CDAN1: variants seen among roughly 807,000 people sequenced by gnomAD.
The protein encoded by CDAN1 is codanin 1, also known as codanin-1.
Under a neutral mutation model 139.8 loss-of-function variants are expected in CDAN1, and 107 were observed. That is an observed-to-expected ratio of 0.77 (90% CI 0.65 to 0.90). CDAN1 has a LOEUF of 0.90. Among genes scored for constraint, CDAN1 ranks in the 40% least tolerant of loss-of-function variants. The pLI is 0.00. For synonymous variants in CDAN1, 776 were observed against 660.6 expected (o/e 1.17, Z -2.68); for missense variants, 1,667 against 1,575.7 (o/e 1.06, Z -0.98).
intron 21 of CDAN1, 81 bp downstream of exon 21, chr15:42,728,123 A>T: frequency 6.3e-7 from 1 of 1,581,264 alleles, no homozygotes. Context: ...GCCCCCACAC[A>T]CCCTCCCGCA....
In CDAN1 at chr15:42,731,072, C is replaced by G; in HGVS notation, c.1861-1G>C. The G allele has an allele frequency of 6.2e-7, 1 of 1,614,222 alleles. No homozygotes were observed. On this transcript the variant is annotated splice_acceptor_variant, in intron 12 of 27. Coordinates refer to ENST00000356231, the MANE Select transcript of CDAN1 (RefSeq NM_138477.4). LOFTEE classifies it high-confidence loss of function. ...CCACAGCAAATTGCTTCCGCTCACC[C>G]TGCATGGAATCAAGGGAAGTAAAAG...
intron 17 of CDAN1, 32 bp downstream of exon 17, chr15:42,729,536 C>G (rs1486001627): frequency 6.2e-7 from 1 of 1,614,026 alleles, no homozygotes; most frequent in African/African-American, 1.3e-5. Context: ...GAGGGACAGA[C>G]CAAGGACCGT....
At position 42,729,249 on chromosome 15, in the gene CDAN1, G is replaced by C. The variant is rs748072718; in HGVS notation, c.2521C>G (p.Gln841Glu). Reference sequence around the variant, plus strand: ...CTTACCTGCAGCCCCTGGCTGGTCTGGGAAGGCTGGGCTCCCAGGCTGGTG... The same window carrying C: ...CTTACCTGCAGCCCCTGGCTGGTCTCGGAAGGCTGGGCTCCCAGGCTGGTG... ...TTTSLGAQPS[Q>E]TSQGLQAQLA... is the part of the protein sequence containing the mutation. The change falls in exon 18 of 28, where the codon CAG becomes GAG. Residue 841 changes from glutamine (Q) to glutamate (E), a missense_variant. Gln to Glu is a conservative substitution (Grantham distance 29, BLOSUM62 2). Transcript: ENST00000356231. 1 of 1,613,292 alleles carries C rather than the reference G, an allele frequency of 6.2e-7. No homozygotes were observed. Among genetic ancestry groups the C allele is most frequent in the Non-Finnish European group, 8.5e-7 (1 of 1,179,766 alleles).
rs148040924 is a variant in CDAN1 at position 42,728,945 on chromosome 15, CCTT to C, written c.2645+75_2645+77del. On this transcript the variant is annotated intron_variant, in intron 19 of 27. Transcript: ENST00000356231. ...AGCCCCACACCCACCCTCTGGCTGACCTTCTCAGTTTAGCAACTGAGGAAAAAG... is the reference window on the plus strand; with the variant it reads ...AGCCCCACACCCACCCTCTGGCTGACCTCAGTTTAGCAACTGAGGAAAAAG... 4.4e-3 allele frequency: 6,855 copies of C among 1,573,986 alleles called. 270 individuals carry two copies. The African/African-American group carries it at 0.082, about 19-fold the overall frequency.
Position 42,726,619 on chromosome 15 carries a change from G to A in CDAN1, c.3097-202C>T, listed in dbSNP as rs936264748. On this transcript the variant is annotated intron_variant, in intron 23 of 27. Coordinates refer to ENST00000356231, the MANE Select transcript of CDAN1 (RefSeq NM_138477.4). ...AAGCAACCATGTGGACAACAAAAGA[G>A]GGAACAGATGGAGGTCAGCTGAGGG... 5.0e-6 allele frequency: 3 copies of A among 596,882 alleles called. No homozygotes were observed. The African/African-American group carries it at 5.6e-5, about 11-fold the overall frequency. 37.0% of individuals were successfully genotyped at this position (596,882 alleles called of 1,614,324 possible).
rs1255043223 is a variant in CDAN1 at position 42,736,330 on chromosome 15, C to T, written c.541G>A (p.Val181Ile). Residue 181 changes from valine (V) to isoleucine (I), a missense_variant, in exon 2 of 28, where the codon GTA (valine) becomes ATA (isoleucine). Coordinates refer to ENST00000356231, the MANE Select transcript of CDAN1 (RefSeq NM_138477.4). The part of the protein sequence containing the change: ...NLSNLEEFPP[V>I]GSVPPGPTGT... ...GTAGGGCCGGGGGGAACCGAGCCTACGGGAGGGAACTCCTCCAGGTTGCTG... is the reference window on the plus strand; with the variant it reads ...GTAGGGCCGGGGGGAACCGAGCCTATGGGAGGGAACTCCTCCAGGTTGCTG... 12 of 1,613,728 alleles carry T rather than the reference C, an allele frequency of 7.4e-6. No homozygotes were observed. Among genetic ancestry groups the T allele is most frequent in the Non-Finnish European group, 1.0e-5 (12 of 1,179,986 alleles).
rs1355496939 is a variant in CDAN1 at position 42,735,551 on chromosome 15, C to A, written c.902G>T (p.Arg301Leu). ...GTAAACAAGGGCTACAAGCTCCAGG[C>A]GCTGGCGGGAAGACACTCTGGCAGG... The part of the protein sequence containing the change: ...ADPARVSSRQ[R>L]LELVALVYSS... Residue 301 changes from arginine to leucine, a missense_variant, in exon 4 of 28, where the codon CGC (arginine) becomes CTC (leucine). Transcript: ENST00000356231. 1.2e-6 allele frequency: 2 copies of A among 1,614,192 alleles called. No homozygotes were observed. Among genetic ancestry groups the A allele is most frequent in the Non-Finnish European group, 1.7e-6 (2 of 1,180,040 alleles).
intron 10 of CDAN1, 101 bp downstream of exon 10, chr15:42,732,232 G>C: frequency 8.9e-7 from 1 of 1,119,156 alleles, no homozygotes; most frequent in Non-Finnish European, 1.4e-6. Flanking sequence ...TCCAGCCCAG[G>C]ACCTGCCAGG....
chr15:42,731,840 G>T lies in CDAN1; in HGVS notation c.1534-15C>A. 6.2e-7 allele frequency: 1 copy of T among 1,613,000 alleles called. No individual in the cohort carries two copies. Among genetic ancestry groups the T allele is most frequent in the Non-Finnish European group, 8.5e-7 (1 of 1,179,126 alleles). On this transcript the variant is annotated splice_polypyrimidine_tract_variant and intron_variant, in intron 10 of 27. Transcript: ENST00000356231. Reference sequence around the variant, plus strand: ...CTCTGACACATCTAGGGTGGAAGAGGAAGGAGAGAAATTAAAAAAATCAGC... The same window carrying T: ...CTCTGACACATCTAGGGTGGAAGAGTAAGGAGAGAAATTAAAAAAATCAGC...
intron 10 of CDAN1, 52 bp downstream of exon 10, chr15:42,732,281 G>T (rs1473330870): frequency 2.0e-6 from 3 of 1,530,982 alleles, no homozygotes; most frequent in Non-Finnish European, 2.7e-6. Flanking sequence ...TTAAGTGGCT[G>T]CCTGTGATGC....
At chr15:42,725,403 G>A (rs1217320423) in intron 26 of CDAN1, 86 bp downstream of exon 26, 1 of 1,546,634 alleles carries the variant, frequency 6.5e-7, no homozygotes, top group Non-Finnish European at 8.9e-7. Flanking sequence ...GGGAAATAAA[G>A]GATGCAGAGC....
chr15:42,728,770 G>A lies in CDAN1; in HGVS notation c.2686C>T (p.Leu896Phe). The change falls in exon 20 of 28, where the codon CTT becomes TTT. Residue 896 changes from leucine (L) to phenylalanine (F), a missense_variant. This residue lies in a region of CDAN1 where 936 missense variants were observed against 844.1 expected (regional missense o/e 1.11). Transcript: ENST00000356231. Reference sequence around the variant, plus strand: ...TGTGTCACCAGCTGCTCTTGGAGAAGTGACTCTGCCTGGCGCACCAGATCT... The same window carrying A: ...TGTGTCACCAGCTGCTCTTGGAGAAATGACTCTGCCTGGCGCACCAGATCT... Reference protein sequence around the residue: ...VADLVRQAESLLQEQLVTQGE... With the variant: ...VADLVRQAESFLQEQLVTQGE... The A allele has an allele frequency of 6.2e-7, 1 of 1,614,208 alleles. No individual in the cohort carries two copies. The highest frequency in any genetic ancestry group is 8.5e-7 in the Non-Finnish European group (1 of 1,180,028).
chr15:42,730,524 TTTA>T, intron 14 of CDAN1, 71 bp downstream of exon 14: 2 of 1,558,338 alleles, frequency 1.3e-6, no homozygotes, highest in Non-Finnish European at 1.8e-6. Context: ...CTCGACCCTC[TTTA>T]TTAATAGCAG....
intron 27 of CDAN1, chr15:42,724,823 G>A (rs748451702): frequency 1.5e-6 from 1 of 657,964 alleles, no homozygotes; most frequent in Admixed American, 2.4e-5. Context: ...GGAGGCACAG[G>A]CTTGACCAGT....
rs560030704 is a variant in CDAN1 at position 42,736,757 on chromosome 15, C to A, written c.114G>T (p.Ala38=). ...GSEDNAGEAA[A]LSSLRALRKE... ...TCCGCAGGGCCCGGAGTGAGCTCAG[C>A]GCGGCCGCCTCCCCAGCGTTATCCT... The change falls in exon 2 of 28, where the codon GCG becomes GCT. Residue 38 remains alanine (A), a synonymous_variant. Coordinates refer to ENST00000356231, the MANE Select transcript of CDAN1 (RefSeq NM_138477.4). 6.4e-7 allele frequency: 1 copy of A among 1,551,610 alleles called. No individual in the cohort carries two copies. The highest frequency in any genetic ancestry group is 1.2e-5 in the South Asian group (1 of 83,452).
chr15:42,733,338 G>A (rs1304387221), intron 8 of CDAN1, 152 bp from the exon 9 acceptor site: 4 of 714,714 alleles, frequency 5.6e-6, no homozygotes, highest in East Asian at 2.7e-5. Context: ...GCAATGACGC[G>A]ATCTCAGCTC....
intron 6 of CDAN1, 112 bp from the exon 7 acceptor site, chr15:42,734,458 A>G (rs2061659873): frequency 7.6e-7 from 1 of 1,311,534 alleles, no homozygotes; most frequent in Admixed American, 1.8e-5. Context: ...ATGCAAGCCC[A>G]GATATGTACT....
intron 8 of CDAN1, 92 bp from the exon 9 acceptor site, chr15:42,733,278 C>CA: frequency 2.0e-5 from 17 of 838,270 alleles, no homozygotes; most frequent in Non-Finnish European, 3.1e-5. Context: ...CACCCACCAC[C>CA]TTTTTTTTTT....
chr15:42,726,579 T>C, intron 23 of CDAN1, 162 bp from the exon 24 acceptor site: 1 of 622,822 alleles, frequency 1.6e-6, no homozygotes, highest in South Asian at 1.9e-5. Flanking sequence ...TTGGGCAGGA[T>C]AATACAGCCA....
Sources: gnomAD v4.1 joint callset for allele counts on GRCh38, gnomAD v4.1.1 for gene constraint, gnomAD v4.1.1 regional missense constraint, MANE v1.5 for transcripts, NCBI Gene and HGNC (gene_info 2026-07-23, HGNC 2026-07-21) for gene names.